CBLN2: variants seen among roughly 807,000 people sequenced by gnomAD.
CBLN2 encodes the protein cerebellin-2.
In CBLN2, 7 loss-of-function variants were observed where a neutral mutation model predicts 15.0. The observed-to-expected ratio is 0.47, with a 90% CI of 0.27 to 0.88. The LOEUF is 0.88. Among genes scored for constraint, CBLN2 ranks in the 40% least tolerant of loss-of-function variants. The probability of loss-of-function intolerance (pLI) is 0.14; values close to 1 mark genes in which losing one functional copy is unlikely to be tolerated. For missense variants in CBLN2, 242 were observed against 304.5 expected, an observed-to-expected ratio of 0.79 and a Z score of 1.53; for synonymous variants, 149 against 135.2, an observed-to-expected ratio of 1.10 and a Z score of -0.71.
intron 1 of CBLN2, among the ~76,000 whole-genome samples, chr18:72,607,554 C>T (rs2069591262): frequency 6.6e-6 from 1 of 152,194 alleles, no homozygotes; most frequent in African/African-American, 2.4e-5. Context: ...CCACCAAACA[C>T]AGATTTCATG....
intron 1 of CBLN2, among the ~76,000 whole-genome samples, chr18:72,599,721 C>G (rs1016748352): frequency 1.3e-5 from 2 of 152,092 alleles, no homozygotes; most frequent in Admixed American, 1.3e-4. Flanking sequence ...ATTGATAAAT[C>G]AAGGTCTGGA....
intron 1 of CBLN2, among the ~76,000 whole-genome samples, chr18:72,550,012 T>C (rs1013834873): frequency 6.6e-6 from 1 of 152,200 alleles, no homozygotes; most frequent in Non-Finnish European, 1.5e-5. Flanking sequence ...TAAAAACTGG[T>C]AGACGTAGAA....
chr18:72,540,158 T>C (rs1228930815), intron 3 of CBLN2: 3 of 152,184 alleles, frequency 2.0e-5, no homozygotes, highest in Admixed American at 2.0e-4. Context: ...CTGTCTTCCT[T>C]ACAAAGCTTT....
intron 1 of CBLN2, among the ~76,000 whole-genome samples, chr18:72,593,037 T>C (rs1318861491): frequency 6.6e-6 from 1 of 152,160 alleles, no homozygotes; most frequent in Non-Finnish European, 1.5e-5. Context: ...ATGTCATTGG[T>C]ATTTTGGCAT....
In CBLN2 at chr18:72,538,251, G is replaced by A; in HGVS notation, c.600C>T (p.Leu200=). ...LLMEREDKVH[L]KLERGNLMGG... is the part of the protein sequence containing the mutation. ...CCATGAGGTTGCCTCTCTCAAGTTT[G>A]AGATGCACTTTGTCTTCCCTTTCCA... Residue 200 remains leucine, a synonymous_variant, in exon 5 of 5, where the codon CTC becomes CTT. Coordinates refer to ENST00000269503, the MANE Select transcript of CBLN2 (RefSeq NM_182511.4). 2 of 1,614,160 alleles carry A rather than the reference G, an allele frequency of 1.2e-6. No individual in the cohort carries two copies. Among genetic ancestry groups the A allele is most frequent in the Non-Finnish European group, 1.7e-6 (2 of 1,180,036 alleles).
intron 1 of CBLN2, among the ~76,000 whole-genome samples, chr18:72,596,267 AT>A (rs1194602023): frequency 1.3e-5 from 2 of 152,048 alleles, no homozygotes; most frequent in Admixed American, 6.6e-5. Flanking sequence ...TTAACACTGC[AT>A]AAACAAAAAA....
intron 1 of CBLN2, among the ~76,000 whole-genome samples, chr18:72,605,424 A>T (rs574283864): frequency 6.6e-6 from 1 of 152,230 alleles, no homozygotes; most frequent in Non-Finnish European, 1.5e-5. Context: ...GGCCTTTGCT[A>T]AAGTTTTTTC....
At chr18:72,582,276 G>A (rs1299704246) in intron 1 of CBLN2, among the ~76,000 whole-genome samples, 1 of 152,156 alleles carries the variant, frequency 6.6e-6, no homozygotes, top group African/African-American at 2.4e-5. Flanking sequence ...GTGAATGAAT[G>A]ATTTAATTTG....
rs1430800139 is a variant in CBLN2 at position 72,635,257 on chromosome 18, T to C, written c.15+3068A>G. On this transcript the variant is annotated intron_variant, in intron 1 of 2. Transcript: ENST00000581073. ...ATTTGAAAAGCAAGGTCTCTAACTT[T>C]GGTCAACAAATATTTTTTTCGACAA... Among the ~76,000 whole-genome samples the C allele has an allele frequency of 2.0e-5, 3 of 152,206 alleles. No homozygotes were observed. The East Asian group carries it at 5.8e-4, about 29-fold the overall frequency.
At chr18:72,601,827 T>G (rs966954913) in intron 1 of CBLN2, among the ~76,000 whole-genome samples, 1 of 152,184 alleles carries the variant, frequency 6.6e-6, no homozygotes, top group Admixed American at 6.5e-5. Context: ...CCACAGACTC[T>G]TTTGTACAAT....
chr18:72,550,615 A>G (rs2069186052), intron 1 of CBLN2, among the ~76,000 whole-genome samples: 1 of 152,218 alleles, frequency 6.6e-6, no homozygotes, highest in Non-Finnish European at 1.5e-5. Flanking sequence ...GAACTATTTT[A>G]CCTACCTTTC....
chr18:72,580,729 A>C (rs2069397394), intron 1 of CBLN2, among the ~76,000 whole-genome samples: 2 of 152,204 alleles, frequency 1.3e-5, no homozygotes, highest in Admixed American at 6.5e-5. Flanking sequence ...CTATTTATTC[A>C]TGCTTCTGCT....
chr18:72,631,922 G>A (rs1259453879), intron 1 of CBLN2, among the ~76,000 whole-genome samples: 19 of 152,118 alleles, frequency 1.2e-4, no homozygotes, highest in Non-Finnish European at 2.8e-4. Flanking sequence ...ATCATCATCT[G>A]ATCAACGATT....
chr18:72,618,802 G>T (rs1041037218), intron 1 of CBLN2: 11 of 740,384 alleles, frequency 1.5e-5, no homozygotes, highest in African/African-American at 1.4e-4. Context: ...AGTTAGGAAA[G>T]CCCTGTCAAA....
At chr18:72,637,573 A>C (rs897332327) in intron 1 of CBLN2, among the ~76,000 whole-genome samples, 3 of 152,218 alleles carry the variant, frequency 2.0e-5, no homozygotes, top group African/African-American at 7.2e-5. Context: ...TTTTCTTGTC[A>C]ACACAATCAC....
intron 1 of CBLN2, among the ~76,000 whole-genome samples, chr18:72,626,623 C>T (rs918529024): frequency 2.0e-5 from 3 of 152,028 alleles, no homozygotes; most frequent in Admixed American, 6.5e-5. Flanking sequence ...TTGCTTGAAC[C>T]CAGGAGACAG....
intron 1 of CBLN2, among the ~76,000 whole-genome samples, chr18:72,599,756 A>G (rs551101397): frequency 6.6e-6 from 1 of 152,358 alleles, no homozygotes; most frequent in Non-Finnish European, 1.5e-5. Context: ...AAGGGTCAAG[A>G]GCACAAATGA....
At chr18:72,568,913 GA>G (rs547481076) in intron 1 of CBLN2, among the ~76,000 whole-genome samples, 4 of 151,992 alleles carry the variant, frequency 2.6e-5, no homozygotes, top group Non-Finnish European at 4.4e-5. Context: ...CAGGAAGAGT[GA>G]AAAAAAATCT....
Position 72,542,212 on chromosome 18 carries a change from C to T in CBLN2, c.-52G>A. The T allele has an allele frequency of 8.7e-7, 1 of 1,153,330 alleles. No individual in the cohort carries two copies. Among genetic ancestry groups the T allele is most frequent in the African/African-American group, 1.6e-5 (1 of 61,392 alleles). The allele number at this position is 1,153,330 out of a possible 1,614,324, so 71.4% of individuals were successfully genotyped here. On this transcript the variant is annotated 5_prime_UTR_variant, in exon 3 of 5. Transcript: ENST00000269503. The stretch of plus-strand genomic sequence containing the variant: ...GGGTGGAGGCCGGCGCCGGCGCGAG[C>T]GGCGCGGAAGGGCGCGAAGGAACGC...
Sources: gnomAD v4.1 joint callset for allele counts (sites outside exome capture counted in the v4.1 genomes callset) on GRCh38, gnomAD v4.1.1 for gene constraint, MANE v1.5 for transcripts, NCBI Gene and HGNC (gene_info 2026-07-23, HGNC 2026-07-21) for gene names.